The following CECR2 variants were observed in gnomAD, a reference collection of about 807,000 sequenced individuals.
The protein encoded by CECR2 is chromatin remodeling regulator CECR2.
CECR2 carries 30 observed loss-of-function variants against 154.5 expected under a neutral mutation model. The observed-to-expected ratio is 0.19, with a 90% CI of 0.15 to 0.26. The LOEUF (loss-of-function observed/expected upper bound fraction) is 0.26, where lower values mean the gene tolerates loss of function less well. Ranked by LOEUF, CECR2 falls within the 10% of genes least tolerant of loss-of-function variation. The pLI is 1.00. For synonymous variants in CECR2, 725 were observed against 683.7 expected, an observed-to-expected ratio of 1.06 and a Z score of -0.94; for missense variants, 1,743 against 1,829.3, an observed-to-expected ratio of 0.95 and a Z score of 0.86.
chr22:17,523,975 A>T, intron 8 of CECR2, 143 bp from the exon 9 acceptor site: 1 of 647,978 alleles, frequency 1.5e-6, no homozygotes, highest in Non-Finnish European at 2.6e-6. Context: ...TGTGTATTTT[A>T]CAGATAACAA....
At chr22:17,428,996 G>A (rs2146628788) in intron 1 of CECR2, among the ~76,000 whole-genome samples, 1 of 152,012 alleles carries the variant, frequency 6.6e-6, no homozygotes, top group African/African-American at 2.4e-5. Flanking sequence ...ACATGTGTGA[G>A]TCTATTGTTT....
At chr22:17,397,510 T>A (rs1040575046) in intron 1 of CECR2, among the ~76,000 whole-genome samples, 7 of 152,196 alleles carry the variant, frequency 4.6e-5, no homozygotes, top group South Asian at 2.1e-4. Context: ...TATTATTATT[T>A]TTTTTAAGAC....
intron 1 of CECR2, chr22:17,418,609 G>T: frequency 5.8e-6 from 1 of 173,398 alleles, no homozygotes; most frequent in East Asian, 1.8e-4. Context: ...CTGGTCTCCA[G>T]ATGAGCTATA....
intron 8 of CECR2, among the ~76,000 whole-genome samples, chr22:17,512,565 TG>T (rs1487692953): frequency 6.6e-6 from 1 of 151,626 alleles, no homozygotes; most frequent in East Asian, 1.9e-4. Flanking sequence ...TAGCTGGGTG[TG>T]GTGGCGGGCA....
chr22:17,431,867 A>G (rs990872414), intron 1 of CECR2, among the ~76,000 whole-genome samples: 16 of 152,288 alleles, frequency 1.1e-4, no homozygotes, highest in Non-Finnish European at 1.3e-4. Flanking sequence ...GTATATTTAG[A>G]GTGCGCAGCC....
intron 7 of CECR2, among the ~76,000 whole-genome samples, chr22:17,510,522 C>T (rs1270685165): frequency 5.9e-5 from 9 of 151,900 alleles, no homozygotes; most frequent in East Asian, 1.9e-4. Context: ...CTAGGTTTTT[C>T]GGGACAAGTA....
chr22:17,547,750 A>T lies in CECR2; in HGVS notation c.2861-398A>T, dbSNP rs532472052. 1.7e-4 allele frequency among the ~76,000 whole-genome samples: 26 copies of T among 152,254 alleles called. No individual in the cohort carries two copies. In the South Asian group the frequency reaches 5.4e-3, roughly 32 times the overall value. ...GTCATGCCCTGTTCTTTCTGGTTGC[A>T]TCCCATTTTAGAGCTTCCCAGCATG... On this transcript the variant is annotated intron_variant, in intron 16 of 18. Transcript: ENST00000262608.
chr22:17,379,880 G>C (rs994225892), intron 1 of CECR2, among the ~76,000 whole-genome samples: 18 of 152,096 alleles, frequency 1.2e-4, no homozygotes, highest in Admixed American at 1.0e-3. Flanking sequence ...TTGGAAGAAA[G>C]ATACCATAGA....
chr22:17,538,970 A>G, intron 12 of CECR2, 23 bp from the exon 13 acceptor site: 1 of 1,607,370 alleles, frequency 6.2e-7, no homozygotes. Context: ...TTTTAACTAT[A>G]AAGAGTTATG....
Position 17,535,464 on chromosome 22 carries a change from A to G in CECR2, c.1109-1639A>G, listed in dbSNP as rs540924754. On this transcript the variant is annotated intron_variant, in intron 9 of 18. Transcript: ENST00000262608. ...TAGAGAATCCTTACACACATGCTTG[A>G]GAAGACATGTTTTAAAATAACTTTG... Among the ~76,000 whole-genome samples, 3 of 152,296 alleles carry G rather than the reference A, an allele frequency of 2.0e-5. No homozygotes were observed. The South Asian group carries it at 6.2e-4, about 32-fold the overall frequency.
chr22:17,389,032 C>T lies in CECR2; in HGVS notation c.126+19123C>T, dbSNP rs1325897938. 2.0e-4 allele frequency among the ~76,000 whole-genome samples: 30 copies of T among 152,082 alleles called. No homozygotes were observed. The South Asian group carries it at 5.4e-3, about 27-fold the overall frequency. ...TTCACCATGTTGGCCAGGCTGGTCT[C>T]GAACTCCCTGAATTCAAGTGATCCA... On this transcript the variant is annotated intron_variant, in intron 1 of 18. Coordinates refer to ENST00000262608, the MANE Select transcript of CECR2 (RefSeq NM_001290047.2).
intron 2 of CECR2, among the ~76,000 whole-genome samples, chr22:17,496,973 G>C (rs2055640689): frequency 6.6e-6 from 1 of 152,140 alleles, no homozygotes; most frequent in Non-Finnish European, 1.5e-5. Context: ...TCCTGTTACT[G>C]TTTTTCATTT....
intron 1 of CECR2, among the ~76,000 whole-genome samples, chr22:17,411,346 A>G (rs2054065836): frequency 6.6e-6 from 1 of 152,232 alleles, no homozygotes; most frequent in Non-Finnish European, 1.5e-5. Context: ...GAGATGGAGA[A>G]AATTAACAGA....
At chr22:17,552,270 G>GT (rs1391030576) in intron 18 of CECR2, 128 bp downstream of exon 18, 4 of 772,014 alleles carry the variant, frequency 5.2e-6, no homozygotes, top group African/African-American at 1.7e-5. Context: ...TGCCTGTATC[G>GT]TGCTTCCTTG....
At chr22:17,370,576 A>AT (rs2063047227) in intron 1 of CECR2, among the ~76,000 whole-genome samples, 1 of 152,034 alleles carries the variant, frequency 6.6e-6, no homozygotes, top group Non-Finnish European at 1.5e-5. Flanking sequence ...CAGCCTCTTT[A>AT]TCGCGGGGCT....
chr22:17,390,576 C>T (rs747350393), intron 1 of CECR2, among the ~76,000 whole-genome samples: 9 of 152,150 alleles, frequency 5.9e-5, no homozygotes, highest in Non-Finnish European at 1.2e-4. Flanking sequence ...TACAAGTTGG[C>T]GTGCAGTTTT....
chr22:17,444,108 C>T (rs958307403), intron 1 of CECR2, among the ~76,000 whole-genome samples: 3 of 152,188 alleles, frequency 2.0e-5, no homozygotes, highest in Admixed American at 1.3e-4. Context: ...TCTGGTTAGT[C>T]GGTCTGTGGT....
chr22:17,518,729 C>T, intron 8 of CECR2: 2 of 407,540 alleles, frequency 4.9e-6, no homozygotes, highest in Non-Finnish European at 9.7e-6. Context: ...CAGCAGGATC[C>T]TGCTCCCTTC....
chr22:17,545,802 C>T lies in CECR2; in HGVS notation c.2861-2346C>T, dbSNP rs1301774348. On this transcript the variant is annotated intron_variant, in intron 16 of 18. Coordinates refer to ENST00000262608, the MANE Select transcript of CECR2 (RefSeq NM_001290047.2). ...AGGTTGCAGTGAGCCGAGATCACAT[C>T]ACTGCACTCCAGCCTGGGCAACAGA... is the stretch of plus-strand genomic sequence containing the variant. 2.0e-5 allele frequency among the ~76,000 whole-genome samples: 3 copies of T among 148,064 alleles called. No individual in the cohort carries two copies. The Admixed American group carries it at 2.1e-4, about 10-fold the overall frequency.
Sources: allele counts gnomAD v4.1 joint callset (sites outside exome capture counted in the v4.1 genomes callset), GRCh38; gene constraint gnomAD v4.1.1; transcripts MANE v1.5; gene names NCBI Gene and HGNC (gene_info 2026-07-23, HGNC 2026-07-21).